The following ERFL variants were observed in gnomAD, a reference collection of about 807,000 sequenced individuals.
The protein encoded by ERFL is ETS repressor factor like, also known as ETS domain-containing transcription factor ERF-like.
In ERFL, 8 loss-of-function variants were observed where a neutral mutation model predicts 27.9. The observed-to-expected ratio is 0.29, with a 90% CI of 0.17 to 0.52. The LOEUF (loss-of-function observed/expected upper bound fraction) is 0.52, where lower values mean the gene tolerates loss of function less well. Among genes scored for constraint, ERFL ranks in the 20% least tolerant of loss-of-function variants. The pLI is 0.97. For missense variants in ERFL, 294 were observed against 444.4 expected, an observed-to-expected ratio of 0.66 and a Z score of 3.04; for synonymous variants, 174 against 202.8, an observed-to-expected ratio of 0.86 and a Z score of 1.21.
chr19:41,909,091 A>T lies in ERFL; in HGVS notation c.585T>A (p.Arg195=). The change falls in exon 5 of 6, where the codon CGT becomes CGA. Residue 195 remains arginine, a synonymous_variant. Coordinates refer to ENST00000597630, the MANE Select transcript of ERFL (RefSeq NM_001365103.2). This position sits in a 1 kb window ranked among gnomAD's most constrained non-coding sequence, Gnocchi z 5.2. ...CCAGGAATGGGAAAGGGCTGTCCAG[A>T]CGCAATTTATCTGTCTCGGAGGTGA... ...PLFTSETDKL[R]LDSPFPFLGS... is the part of the protein sequence containing the mutation. 1 of 1,230,858 alleles carries T rather than the reference A, an allele frequency of 8.1e-7. No homozygotes were observed. The highest frequency in any genetic ancestry group is 1.0e-6 in the Non-Finnish European group (1 of 987,828). 76.2% of individuals were successfully genotyped at this position (1,230,858 alleles called of 1,614,324 possible).
chr19:41,913,239 GCT>G (rs1207378235), intron 1 of ERFL, among the ~76,000 whole-genome samples: 1 of 150,470 alleles, frequency 6.6e-6, no homozygotes, highest in Non-Finnish European at 1.5e-5. Context: ...ACTCGCTCAC[GCT>G]CTCACACTCG....
chr19:41,926,756 C>G (rs1010202764), intron 1 of ERFL, among the ~76,000 whole-genome samples: 7 of 152,130 alleles, frequency 4.6e-5, no homozygotes, highest in African/African-American at 1.7e-4. Flanking sequence ...GTGATAGATC[C>G]GCGCGCCGCT....
At position 41,909,296 on chromosome 19, in the gene ERFL, C is replaced by T; in HGVS notation, c.478G>A (p.Ala160Thr). ...CTCACCTCAGGGGTGAGGGGAGGAG[C>T]ATCTGGCCCTGGGGCCCCCCCAAAG... is the stretch of plus-strand genomic sequence containing the variant. ...SPFGGAPGPD[A>T]PPLTPETLQT... Residue 160 changes from alanine to threonine, a missense_variant, in exon 4 of 6, where the codon GCT becomes ACT. By Grantham distance (58) the Ala-to-Thr change is moderately conservative (BLOSUM62 0). This residue lies in a region of ERFL where 246 missense variants were observed against 371.4 expected (regional missense o/e 0.66). Coordinates refer to ENST00000597630, the MANE Select transcript of ERFL (RefSeq NM_001365103.2). The surrounding 1 kb of genome is among the most constrained non-coding windows in gnomAD (Gnocchi z 5.2). The T allele has an allele frequency of 8.1e-7, 1 of 1,233,704 alleles. No homozygotes were observed. The highest frequency in any genetic ancestry group is 1.0e-6 in the Non-Finnish European group (1 of 989,054). 76.4% of individuals were successfully genotyped at this position (1,233,704 alleles called of 1,614,324 possible). A position where few individuals can be genotyped will look rare whatever the true frequency, so the allele number is the denominator to read the frequency against.
chr19:41,926,638 C>T (rs2145913650), intron 1 of ERFL, among the ~76,000 whole-genome samples: 1 of 152,142 alleles, frequency 6.6e-6, no homozygotes, highest in East Asian at 1.9e-4. Flanking sequence ...GCCTGGCCTG[C>T]TGGCCTGCCG....
rs1257178894 is a variant in ERFL at position 41,907,991 on chromosome 19, A to AC, written c.*236dup. The AC allele has an allele frequency of 1.7e-4, 66 of 397,710 alleles. No individual in the cohort carries two copies. Among genetic ancestry groups the AC allele is most frequent in the South Asian group, 2.8e-4 (2 of 7,056 alleles). The allele number at this position is 397,710 out of a possible 1,614,324, so 24.6% of individuals were successfully genotyped here. ...ACTTTGGGAGTGGGGCCAGGCGGGG[A>AC]CCCCCCTCAAACTGGAGCCTGGGGA... On this transcript the variant is annotated 3_prime_UTR_variant, in exon 6 of 6. Transcript: ENST00000597630.
chr19:41,921,756 G>A lies in ERFL; in HGVS notation c.-14+6284C>T, dbSNP rs1261745098. Among the ~76,000 whole-genome samples, 2 of 151,378 alleles carry A rather than the reference G, an allele frequency of 1.3e-5. No homozygotes were observed. Among genetic ancestry groups the A allele is most frequent in the Non-Finnish European group, 3.0e-5 (2 of 67,786 alleles). On this transcript the variant is annotated intron_variant, in intron 1 of 5. Coordinates refer to ENST00000597630, the MANE Select transcript of ERFL (RefSeq NM_001365103.2). The surrounding 1 kb of genome is among the most constrained non-coding windows in gnomAD (Gnocchi z 4.4). The stretch of plus-strand genomic sequence containing the variant: ...GGAGTGGAAGGCTCAGGTGTAGGCC[G>A]GGTGGCGGGCAGACCTAAGGTGTGG...
chr19:41,909,378 C>T lies in ERFL; in HGVS notation c.396G>A (p.Pro132=), dbSNP rs2074740181. 9 of 1,236,630 alleles carry T rather than the reference C, an allele frequency of 7.3e-6. No individual in the cohort carries two copies. Among genetic ancestry groups the T allele is most frequent in the East Asian group, 3.2e-5 (1 of 31,722 alleles). 76.6% of individuals were successfully genotyped at this position (1,236,630 alleles called of 1,614,324 possible). Residue 132 remains proline (P), a synonymous_variant, in exon 4 of 6, where the codon CCG becomes CCA. Transcript: ENST00000597630. The surrounding 1 kb of genome is among the most constrained non-coding windows in gnomAD (Gnocchi z 5.2). ...NFSKVVLVNY[P]LLDMAAAATG... is the part of the protein sequence containing the mutation. ...TGGCAGCTGCCGCCATGTCCAGCAG[C>T]GGGTAATTGACAAGCACGACTTTGC... is the stretch of plus-strand genomic sequence containing the variant.
intron 2 of ERFL, among the ~76,000 whole-genome samples, chr19:41,912,267 G>A (rs374667657): frequency 3.9e-5 from 6 of 152,176 alleles, no homozygotes; most frequent in Non-Finnish European, 8.8e-5. Context: ...GGGACACACT[G>A]AAATGAGACC....
At chr19:41,927,805 G>A (rs1207145006) in intron 1 of ERFL, among the ~76,000 whole-genome samples, 1 of 139,608 alleles carries the variant, frequency 7.2e-6, no homozygotes, top group Non-Finnish European at 1.5e-5. Context: ...CCCAAATCTC[G>A]CACCCCTGTC....
intron 1 of ERFL, among the ~76,000 whole-genome samples, chr19:41,922,534 G>A (rs543059731): frequency 6.6e-6 from 1 of 152,294 alleles, no homozygotes; most frequent in East Asian, 1.9e-4. Context: ...AGGAGGAACA[G>A]AGAAATGGGG....
intron 1 of ERFL, among the ~76,000 whole-genome samples, chr19:41,923,715 C>CT (rs2074854664): frequency 8.4e-5 from 1 of 11,920 alleles, no homozygotes; most frequent in Admixed American, 1.1e-3. Context: ...GGGGGCTGTG[C>CT]TGGGGGGGTG....
chr19:41,915,254 C>T (rs929147559), intron 1 of ERFL, among the ~76,000 whole-genome samples: 5 of 150,646 alleles, frequency 3.3e-5, no homozygotes, highest in Admixed American at 6.6e-5. Context: ...ATCGGCGCTC[C>T]GGGCCCTGCT....
chr19:41,915,852 G>C (rs555358276), intron 1 of ERFL, among the ~76,000 whole-genome samples: 113 of 152,268 alleles, frequency 7.4e-4, no homozygotes, highest in African/African-American at 2.5e-3. Flanking sequence ...GGGCCAAACA[G>C]GGCCTGGCAG....
rs1487713427 is a variant in ERFL at position 41,921,441 on chromosome 19, T to C, written c.-14+6599A>G. 6.6e-6 allele frequency among the ~76,000 whole-genome samples: 1 copy of C among 151,066 alleles called. No individual in the cohort carries two copies. Among genetic ancestry groups the C allele is most frequent in the African/African-American group, 2.4e-5 (1 of 40,934 alleles). On this transcript the variant is annotated intron_variant, in intron 1 of 5. Transcript: ENST00000597630. The surrounding 1 kb of genome is among the most constrained non-coding windows in gnomAD (Gnocchi z 4.4). Reference sequence around the variant, plus strand: ...AAGAGACACAGAGGACAAGGACAGGTCCCACAGAAACAGGAAGCAGACTGG... The same window carrying C: ...AAGAGACACAGAGGACAAGGACAGGCCCCACAGAAACAGGAAGCAGACTGG...
intron 2 of ERFL, among the ~76,000 whole-genome samples, chr19:41,911,168 C>T (rs1009619123): frequency 6.6e-6 from 1 of 152,128 alleles, no homozygotes; most frequent in Admixed American, 6.5e-5. Context: ...CTCAGCATCA[C>T]GTCTCACATG....
intron 1 of ERFL, chr19:41,923,076 CT>C: frequency 2.2e-6 from 1 of 451,208 alleles, no homozygotes; most frequent in Non-Finnish European, 4.5e-6. Context: ...TGACCCAGGC[CT>C]TTTGCTTCCC....
intron 1 of ERFL, among the ~76,000 whole-genome samples, chr19:41,926,704 G>A (rs1249228716): frequency 1.3e-5 from 2 of 150,672 alleles, no homozygotes; most frequent in Non-Finnish European, 3.0e-5. Flanking sequence ...GGGCCGCGGC[G>A]GCCGGCCGGG....
intron 1 of ERFL, among the ~76,000 whole-genome samples, chr19:41,925,576 T>C (rs972192033): frequency 6.6e-6 from 1 of 151,968 alleles, no homozygotes; most frequent in Non-Finnish European, 1.5e-5. Context: ...GAGGAAGGCA[T>C]AATGGCAGGG....
Position 41,908,181 on chromosome 19 carries a change from A to G in ERFL, c.*47T>C. On this transcript the variant is annotated 3_prime_UTR_variant, in exon 6 of 6. Coordinates refer to ENST00000597630, the MANE Select transcript of ERFL (RefSeq NM_001365103.2). This position sits in a 1 kb window ranked among gnomAD's most constrained non-coding sequence, Gnocchi z 6.7. ...GGCCAGGCATCAAGGGCAGACGGGC[A>G]GCCACCCTGGTCCCTGCCTCAGCAG... is the stretch of plus-strand genomic sequence containing the variant. 8.2e-7 allele frequency: 1 copy of G among 1,225,752 alleles called. No homozygotes were observed. The highest frequency in any genetic ancestry group is 1.0e-6 in the Non-Finnish European group (1 of 982,646). The allele number at this position is 1,225,752 out of a possible 1,614,324, so 75.9% of individuals were successfully genotyped here.
Sources: allele counts gnomAD v4.1 joint callset (sites outside exome capture counted in the v4.1 genomes callset), GRCh38; gene constraint gnomAD v4.1.1; regional missense constraint gnomAD v4.1.1; non-coding constraint Gnocchi (gnomAD v3.1); transcripts MANE v1.5; gene names NCBI Gene and HGNC (gene_info 2026-07-23, HGNC 2026-07-21).